The following STT3B variants were observed in gnomAD, a reference collection of about 807,000 sequenced individuals.
STT3B encodes dolichyl-diphosphooligosaccharide--protein glycosyltransferase subunit STT3B.
A neutral mutation model predicts 96.8 loss-of-function variants in STT3B; 29 were observed. The ratio of observed to expected loss-of-function variants is 0.30; its 90% CI spans 0.22 to 0.41. The LOEUF (loss-of-function observed/expected upper bound fraction) is 0.41, where lower values mean the gene tolerates loss of function less well. STT3B is among the 10% of genes least tolerant of loss of function. The probability of loss-of-function intolerance (pLI) is 1.00; values close to 1 mark genes in which losing one functional copy is unlikely to be tolerated. For synonymous variants in STT3B, 367 were observed against 360.0 expected, an observed-to-expected ratio of 1.02 and a Z score of -0.22; for missense variants, 640 against 1,022.3, an observed-to-expected ratio of 0.63 and a Z score of 5.10.
chr3:31,622,525 T>G (rs1037216874), intron 10 of STT3B, among the ~76,000 whole-genome samples: 4 of 152,230 alleles, frequency 2.6e-5, no homozygotes, highest in African/African-American at 9.6e-5. Context: ...AAGGAATTCC[T>G]CTTTTTGGTA....
At chr3:31,577,145 A>G (rs1403978971) in intron 2 of STT3B, among the ~76,000 whole-genome samples, 6 of 152,152 alleles carry the variant, frequency 3.9e-5, no homozygotes, top group Middle Eastern at 3.2e-3. Flanking sequence ...TTCTTAACCC[A>G]AAGAAACTTC....
At chr3:31,575,577 T>C (rs1010466370) in intron 1 of STT3B, among the ~76,000 whole-genome samples, 1 of 152,050 alleles carries the variant, frequency 6.6e-6, no homozygotes, top group Non-Finnish European at 1.5e-5. Flanking sequence ...CTGGAAAGGA[T>C]GTATCAAACT....
chr3:31,609,231 G>A (rs1026189275), intron 5 of STT3B, among the ~76,000 whole-genome samples: 1 of 152,006 alleles, frequency 6.6e-6, no homozygotes, highest in African/African-American at 2.4e-5. Context: ...TTTTTTGTTT[G>A]TTTTACTCTC....
intron 8 of STT3B, among the ~76,000 whole-genome samples, chr3:31,618,951 G>A (rs1699371931): frequency 6.6e-6 from 1 of 151,790 alleles, no homozygotes; most frequent in African/African-American, 2.4e-5. Flanking sequence ...AATATAACTT[G>A]TGCAGTTATA....
intron 5 of STT3B, among the ~76,000 whole-genome samples, chr3:31,613,432 T>C (rs953613127): frequency 6.6e-6 from 1 of 152,114 alleles, no homozygotes; most frequent in African/African-American, 2.4e-5. Context: ...CAGTTTCTAG[T>C]TGTGCCTTTG....
chr3:31,570,959 T>C (rs1239046479), intron 1 of STT3B, among the ~76,000 whole-genome samples: 3 of 152,050 alleles, frequency 2.0e-5, no homozygotes, highest in Non-Finnish European at 2.9e-5. Context: ...GGGTAGGGAT[T>C]CTTTCTGAAC....
At chr3:31,588,265 T>G (rs527609586) in intron 3 of STT3B, among the ~76,000 whole-genome samples, 26 of 152,236 alleles carry the variant, frequency 1.7e-4, no homozygotes, top group South Asian at 4.1e-4. Flanking sequence ...GACTTTTTTT[T>G]TGTGCAGGTA....
intron 5 of STT3B, among the ~76,000 whole-genome samples, chr3:31,614,705 G>A (rs777296691): frequency 9.4e-6 from 1 of 106,844 alleles, no homozygotes. Context: ...GCTGGCAGTG[G>A]TGATGAGTAT....
intron 1 of STT3B, 89 bp from the exon 2 acceptor site, chr3:31,576,307 A>T: frequency 1.5e-6 from 1 of 666,882 alleles, no homozygotes; most frequent in Non-Finnish European, 2.5e-6. Flanking sequence ...TCTGAAAGAT[A>T]CATTTATGTA....
intron 1 of STT3B, among the ~76,000 whole-genome samples, chr3:31,550,016 A>G (rs1424160146): frequency 6.6e-6 from 1 of 152,076 alleles, no homozygotes; most frequent in Non-Finnish European, 1.5e-5. Context: ...ATGCTCTAAC[A>G]GCCTCTTATT....
At chr3:31,616,625 A>G (rs149911492) in intron 6 of STT3B, among the ~76,000 whole-genome samples, 2 of 151,834 alleles carry the variant, frequency 1.3e-5, no homozygotes, top group Admixed American at 1.3e-4. Context: ...CCCCTAAAAT[A>G]TAGAGGAAAG....
chr3:31,586,725 T>C (rs753635519), intron 3 of STT3B, among the ~76,000 whole-genome samples: 1 of 152,174 alleles, frequency 6.6e-6, no homozygotes, highest in Non-Finnish European at 1.5e-5. Flanking sequence ...CTCTTCTGTT[T>C]ATCTGTGTCT....
At chr3:31,572,023 TATATATTAATATATGATATATTAA>T (rs1698158631) in intron 1 of STT3B, among the ~76,000 whole-genome samples, 2 of 40,788 alleles carry the variant, frequency 4.9e-5, no homozygotes, top group South Asian at 2.2e-3. Context: ...AACATATTAA[TATATATTAATATATGATATATTAA>T]TATATCATAT....
At chr3:31,588,412 A>G (rs373226285) in intron 3 of STT3B, among the ~76,000 whole-genome samples, 1 of 152,120 alleles carries the variant, frequency 6.6e-6, no homozygotes, top group East Asian at 1.9e-4. Context: ...ATTTGTGAGA[A>G]TTATGTAAAG....
rs540562263 is a variant in STT3B, at chr3:31,564,002, T to G, written c.315-12394T>G. On this transcript the variant is annotated intron_variant, in intron 1 of 15. Transcript: ENST00000295770. Reference sequence around the variant, plus strand: ...AAATGGTTCTGTGAGTGACTGTTGATGAAAGACTTCAGAGGCCAGAACATG... The same window carrying G: ...AAATGGTTCTGTGAGTGACTGTTGAGGAAAGACTTCAGAGGCCAGAACATG... Among the ~76,000 whole-genome samples, 355 of 152,212 alleles carry G rather than the reference T, an allele frequency of 2.3e-3. 2 individuals are homozygous for G. The highest frequency in any genetic ancestry group is 8.1e-3 in the African/African-American group (336 of 41,524).
intron 3 of STT3B, among the ~76,000 whole-genome samples, 187 bp from the exon 4 acceptor site, chr3:31,596,611 T>A (rs1463688247): frequency 6.6e-6 from 1 of 152,238 alleles, no homozygotes; most frequent in African/African-American, 2.4e-5. Flanking sequence ...ATTCTTAAAA[T>A]GTCTCAGTGT....
chr3:31,630,112 G>A (rs1390147598), intron 14 of STT3B, among the ~76,000 whole-genome samples: 1 of 152,148 alleles, frequency 6.6e-6, no homozygotes, highest in East Asian at 1.9e-4. Context: ...GATTTTTAAG[G>A]AAACCAGAAT....
chr3:31,542,809 G>A (rs565605678), intron 1 of STT3B, among the ~76,000 whole-genome samples: 2 of 152,234 alleles, frequency 1.3e-5, no homozygotes, highest in South Asian at 2.1e-4. Context: ...GGTGGCTCAC[G>A]CCTGTAACCC....
At position 31,553,476 on chromosome 3, in the gene STT3B, C is replaced by T. The variant is rs147387076; in HGVS notation, c.314+20164C>T. On this transcript the variant is annotated intron_variant, in intron 1 of 15. Transcript: ENST00000295770. ...TTGGTATATGAATATATCTCAAAAA[C>T]ATGTTAAATGAAAGAAGCCTGATTC... 6.1e-3 allele frequency among the ~76,000 whole-genome samples: 925 copies of T among 152,198 alleles called. 10 individuals are homozygous for T. The highest frequency in any genetic ancestry group is 0.02 in the African/African-American group (843 of 41,528).
Sources: gnomAD v4.1 joint callset for allele counts (sites outside exome capture counted in the v4.1 genomes callset) on GRCh38, gnomAD v4.1.1 for gene constraint, MANE v1.5 for transcripts, NCBI Gene and HGNC (gene_info 2026-07-23, HGNC 2026-07-21) for gene names.